NRG3: variants seen among roughly 807,000 people sequenced by gnomAD.
NRG3 encodes neuregulin 3.
In NRG3, 31 loss-of-function variants were observed where a neutral mutation model predicts 66.9. The observed-to-expected ratio is 0.46, with a 90% CI of 0.35 to 0.63. The LOEUF (loss-of-function observed/expected upper bound fraction) is 0.63, where lower values mean the gene tolerates loss of function less well. NRG3 is among the 20% of genes least tolerant of loss of function. The probability of loss-of-function intolerance (pLI) is 0.00; values close to 1 mark genes in which losing one functional copy is unlikely to be tolerated. For missense variants in NRG3, 910 were observed against 878.9 expected (o/e 1.04, Z -0.45); for synonymous variants, 393 against 359.4 (o/e 1.09, Z -1.06).
intron 1 of NRG3, among the ~76,000 whole-genome samples, chr10:82,167,105 T>C (rs1330207984): frequency 6.6e-6 from 1 of 152,098 alleles, no homozygotes; most frequent in Non-Finnish European, 1.5e-5. Context: ...AAATTATTTT[T>C]TCAAATGTGG....
intron 2 of NRG3, among the ~76,000 whole-genome samples, chr10:82,678,331 G>A (rs1406533278): frequency 2.6e-5 from 4 of 152,202 alleles, no homozygotes; most frequent in Admixed American, 1.3e-4. Flanking sequence ...TAAGATTTGG[G>A]TAGGTAAAGG....
At chr10:82,671,848 G>A (rs1028319232) in intron 2 of NRG3, among the ~76,000 whole-genome samples, 2 of 152,300 alleles carry the variant, frequency 1.3e-5, no homozygotes, top group African/African-American at 4.8e-5. Context: ...CAAAAATAAT[G>A]TGAAGCTATG....
At chr10:82,346,769 C>T (rs1266013178) in intron 1 of NRG3, among the ~76,000 whole-genome samples, 1 of 151,964 alleles carries the variant, frequency 6.6e-6, no homozygotes. Context: ...TTCAGAGATT[C>T]AATTTCTTCC....
At chr10:82,452,304 A>G (rs1027150173) in intron 2 of NRG3, among the ~76,000 whole-genome samples, 3 of 152,222 alleles carry the variant, frequency 2.0e-5, no homozygotes, top group African/African-American at 7.2e-5. Context: ...TATTCACTAC[A>G]TCTGCTGAAT....
chr10:82,347,967 A>G (rs1212363599), intron 1 of NRG3, among the ~76,000 whole-genome samples: 2 of 151,772 alleles, frequency 1.3e-5, no homozygotes, highest in Non-Finnish European at 2.9e-5. Context: ...GTGTCTCTGC[A>G]TGTGAGATGG....
intron 4 of NRG3, among the ~76,000 whole-genome samples, chr10:82,874,614 T>C (rs1841642583): frequency 6.6e-6 from 1 of 152,048 alleles, no homozygotes; most frequent in Non-Finnish European, 1.5e-5. Context: ...TCAGATATAG[T>C]GGAAAAACAA....
chr10:82,737,881 C>T (rs2058231468), intron 2 of NRG3, among the ~76,000 whole-genome samples: 1 of 152,122 alleles, frequency 6.6e-6, no homozygotes, highest in Admixed American at 6.5e-5. Flanking sequence ...CCAAATTGTG[C>T]CCGCCTCAGG....
At chr10:82,225,174 G>T (rs2076109595) in intron 1 of NRG3, among the ~76,000 whole-genome samples, 1 of 152,154 alleles carries the variant, frequency 6.6e-6, no homozygotes. Flanking sequence ...AAATGCTAAT[G>T]TGGGGAAATA....
intron 2 of NRG3, among the ~76,000 whole-genome samples, chr10:82,374,646 G>C (rs1185751187): frequency 6.6e-6 from 1 of 152,194 alleles, no homozygotes. Flanking sequence ...GGGGCCTGGG[G>C]TTCTATGTTT....
At chr10:82,883,683 A>C (rs971135503) in intron 4 of NRG3, among the ~76,000 whole-genome samples, 1 of 152,086 alleles carries the variant, frequency 6.6e-6, no homozygotes, top group African/African-American at 2.4e-5. Flanking sequence ...AGTCATACTT[A>C]TTATGATATT....
chr10:82,876,252 C>T (rs1038873704), intron 4 of NRG3, among the ~76,000 whole-genome samples: 1 of 151,622 alleles, frequency 6.6e-6, no homozygotes, highest in African/African-American at 2.4e-5. Flanking sequence ...GAAGTTTCTA[C>T]GTAGGTGTGA....
chr10:82,550,785 A>T (rs1590631100), intron 2 of NRG3, among the ~76,000 whole-genome samples: 1 of 152,162 alleles, frequency 6.6e-6, no homozygotes, highest in South Asian at 2.1e-4. Context: ...GTATATCTTG[A>T]AGATGTGTTG....
chr10:82,093,113 A>G (rs1207287600), intron 1 of NRG3, among the ~76,000 whole-genome samples: 6 of 152,190 alleles, frequency 3.9e-5, no homozygotes, highest in African/African-American at 1.4e-4. Context: ...CACACCAGGC[A>G]GCATGCTTTA....
intron 1 of NRG3, among the ~76,000 whole-genome samples, chr10:82,009,113 G>T (rs113411988): frequency 6.6e-6 from 1 of 152,162 alleles, no homozygotes; most frequent in Non-Finnish European, 1.5e-5. Context: ...TTTAAAAGCC[G>T]TATTACTATT....
chr10:82,888,957 G>C (rs371051000), intron 4 of NRG3, among the ~76,000 whole-genome samples: 6 of 152,100 alleles, frequency 3.9e-5, no homozygotes, highest in African/African-American at 1.4e-4. Context: ...ACTGTGACTG[G>C]AGCGGAATGA....
chr10:82,657,583 A>G (rs1458951110), intron 2 of NRG3, among the ~76,000 whole-genome samples: 1 of 152,036 alleles, frequency 6.6e-6, no homozygotes, highest in Non-Finnish European at 1.5e-5. Flanking sequence ...TGCAGTGCTA[A>G]TCATGGGCTA....
chr10:82,617,343 C>G (rs1437614869), intron 2 of NRG3, among the ~76,000 whole-genome samples: 1 of 149,508 alleles, frequency 6.7e-6, no homozygotes, highest in Non-Finnish European at 1.5e-5. Context: ...CACACAGACA[C>G]ACACACACAC....
At chr10:81,958,456 C>T (rs1850046288) in intron 1 of NRG3, among the ~76,000 whole-genome samples, 1 of 152,186 alleles carries the variant, frequency 6.6e-6, no homozygotes, top group Non-Finnish European at 1.5e-5. Context: ...TTCCAAGTTT[C>T]CTGTCCAAGA....
intron 1 of NRG3, among the ~76,000 whole-genome samples, chr10:82,243,142 A>G (rs1376231465): frequency 6.6e-6 from 1 of 152,198 alleles, no homozygotes; most frequent in Non-Finnish European, 1.5e-5. Context: ...ACTGCATGTA[A>G]AAGAGACCCA....
Sources: allele counts gnomAD v4.1 joint callset (sites outside exome capture counted in the v4.1 genomes callset), GRCh38; gene constraint gnomAD v4.1.1; transcripts MANE v1.5; gene names NCBI Gene and HGNC (gene_info 2026-07-23, HGNC 2026-07-21).